ADAMTSL1: variants seen among roughly 807,000 people sequenced by gnomAD.
ADAMTSL1 encodes ADAMTS like 1, also known as ADAMTS-like protein 1.
A neutral mutation model predicts 201.8 loss-of-function variants in ADAMTSL1; 126 were observed. That is an observed-to-expected ratio of 0.62 (90% CI 0.54 to 0.72). ADAMTSL1 has a LOEUF of 0.72. ADAMTSL1 is among the 30% of genes least tolerant of loss of function. The probability of loss-of-function intolerance (pLI) is 0.00; values close to 1 mark genes in which losing one functional copy is unlikely to be tolerated. For synonymous variants in ADAMTSL1, 1,121 were observed against 903.4 expected, an observed-to-expected ratio of 1.24 and a Z score of -4.32; for missense variants, 2,679 against 2,277.8, an observed-to-expected ratio of 1.18 and a Z score of -3.59.
chr9:18,909,832 G>A lies in ADAMTSL1; in HGVS notation c.*1284G>A, dbSNP rs1376069134. ...ATTTATCTAGCAAGGCGGGGTGGTG[G>A]AGGCAGCACCCTGGCAAAGCAGCTC... On this transcript the variant is annotated 3_prime_UTR_variant, in exon 29 of 29. Coordinates refer to ENST00000380548, the MANE Select transcript of ADAMTSL1 (RefSeq NM_001040272.6). 2 of 152,206 alleles carry A rather than the reference G, an allele frequency of 1.3e-5. No individual in the cohort carries two copies. The highest frequency in any genetic ancestry group is 4.8e-5 in the African/African-American group (2 of 41,428). 9.4% of individuals were successfully genotyped at this position (152,206 alleles called of 1,614,324 possible).
rs533059609 is a variant in ADAMTSL1 at position 18,613,230 on chromosome 9, G to A, written c.475-9013G>A. On this transcript the variant is annotated intron_variant, in intron 4 of 28. Coordinates refer to ENST00000380548, the MANE Select transcript of ADAMTSL1 (RefSeq NM_001040272.6). ...AAAAATAACAGATGCTGGTAAGGTT[G>A]TGGAAAAAAAGGAACACTTATACAC... 8.5e-5 allele frequency among the ~76,000 whole-genome samples: 13 copies of A among 152,270 alleles called. No individual in the cohort carries two copies. In the East Asian group the frequency reaches 1.2e-3, roughly 14 times the overall value.
intron 9 of ADAMTSL1, among the ~76,000 whole-genome samples, chr9:18,670,613 C>G (rs959364562): frequency 5.4e-4 from 82 of 152,222 alleles, no homozygotes; most frequent in African/African-American, 1.8e-3. Flanking sequence ...CTTTTAAAAA[C>G]TTGTTTTTGC....
At chr9:18,367,133 C>T (rs1421706342) in intron 2 of ADAMTSL1, among the ~76,000 whole-genome samples, 2 of 152,090 alleles carry the variant, frequency 1.3e-5, no homozygotes, top group African/African-American at 4.8e-5. Flanking sequence ...ATTTTTCCAC[C>T]TACCAAAGTA....
intron 1 of ADAMTSL1, among the ~76,000 whole-genome samples, chr9:17,950,195 C>G (rs1345020993): frequency 2.6e-5 from 4 of 152,082 alleles, no homozygotes; most frequent in African/African-American, 9.7e-5. Flanking sequence ...GCGTGAGCCA[C>G]TGCATCTGGC....
At chr9:18,136,947 G>C (rs1221462626) in intron 1 of ADAMTSL1, among the ~76,000 whole-genome samples, 1 of 152,192 alleles carries the variant, frequency 6.6e-6, no homozygotes, top group Non-Finnish European at 1.5e-5. Flanking sequence ...CCAAGCCATA[G>C]TTAAGGTGAA....
intron 15 of ADAMTSL1, among the ~76,000 whole-genome samples, chr9:18,735,192 T>A (rs570075687): frequency 6.6e-6 from 1 of 152,168 alleles, no homozygotes; most frequent in African/African-American, 2.4e-5. Context: ...ATGTTGCATT[T>A]CAGGCAATGG....
intron 2 of ADAMTSL1, among the ~76,000 whole-genome samples, chr9:18,356,527 TAAAAAAAA>T (rs1246388028): frequency 1.3e-5 from 1 of 79,466 alleles, no homozygotes; most frequent in Admixed American, 1.7e-4. Flanking sequence ...ACCCTGTCTT[TAAAAAAAA>T]AAAAAAAAAA....
intron 2 of ADAMTSL1, among the ~76,000 whole-genome samples, chr9:18,297,868 G>A (rs59796968): frequency 0.032 from 4,934 of 152,260 alleles, 280 homozygotes; most frequent in African/African-American, 0.11. Context: ...CCTTTGAACC[G>A]CAGCAAAAGT....
intron 2 of ADAMTSL1, among the ~76,000 whole-genome samples, chr9:18,199,247 C>T (rs1046780876): frequency 6.6e-6 from 1 of 151,924 alleles, no homozygotes; most frequent in African/African-American, 2.4e-5. Context: ...TACCCTAAAA[C>T]TTAAAGTGTA....
intron 20 of ADAMTSL1, among the ~76,000 whole-genome samples, chr9:18,810,336 G>A (rs921499101): frequency 6.6e-6 from 1 of 152,174 alleles, no homozygotes; most frequent in East Asian, 1.9e-4. Context: ...CAGTTCTGAT[G>A]AGCTTAATTA....
At chr9:18,685,853 A>G (rs1830797277) in intron 13 of ADAMTSL1, among the ~76,000 whole-genome samples, 1 of 152,202 alleles carries the variant, frequency 6.6e-6, no homozygotes, top group Non-Finnish European at 1.5e-5. Flanking sequence ...ACTTGTAAAG[A>G]AACTATATTC....
chr9:18,269,797 C>T (rs1266467064), intron 2 of ADAMTSL1, among the ~76,000 whole-genome samples: 1 of 151,346 alleles, frequency 6.6e-6, no homozygotes, highest in Non-Finnish European at 1.5e-5. Context: ...TTAGTGTTAC[C>T]ACAAACCAAA....
intron 2 of ADAMTSL1, among the ~76,000 whole-genome samples, chr9:18,367,748 A>ATTACACATTTATCGGCACAGAG (rs1204405123): frequency 6.6e-6 from 1 of 152,084 alleles, no homozygotes; most frequent in Non-Finnish European, 1.5e-5. Context: ...TAGGCACAGA[A>ATTACACATTTATCGGCACAGAG]TTACACATTT....
intron 2 of ADAMTSL1, among the ~76,000 whole-genome samples, chr9:18,320,198 C>T (rs55802908): frequency 0.17 from 26,375 of 152,108 alleles, 2,884 homozygotes; most frequent in African/African-American, 0.31. Flanking sequence ...TTGATTTTCA[C>T]CATGTGAGTT....
chr9:18,022,076 G>A (rs752832215), intron 1 of ADAMTSL1, among the ~76,000 whole-genome samples: 3 of 151,906 alleles, frequency 2.0e-5, no homozygotes, highest in Non-Finnish European at 4.4e-5. Context: ...TTTTTTTCTT[G>A]TTTTGCTCTC....
intron 1 of ADAMTSL1, among the ~76,000 whole-genome samples, chr9:18,133,104 C>T (rs1023664665): frequency 6.6e-6 from 1 of 152,072 alleles, no homozygotes; most frequent in Non-Finnish European, 1.5e-5. Context: ...AAGGTTCAGA[C>T]TCTCCTCCGG....
rs1005661614 is a variant in ADAMTSL1 at position 18,510,313 on chromosome 9, A to G, written c.191+5357A>G. On this transcript the variant is annotated intron_variant, in intron 2 of 28. Transcript: ENST00000380548. Reference sequence around the variant, plus strand: ...GGGAGCTTGTGAGGAGACTTGGTTTACCCTCTGAGTACAGAACATCCTCTC... The same window carrying G: ...GGGAGCTTGTGAGGAGACTTGGTTTGCCCTCTGAGTACAGAACATCCTCTC... Among the ~76,000 whole-genome samples, 112 of 152,158 alleles carry G rather than the reference A, an allele frequency of 7.4e-4. 1 individual carries two copies. The highest frequency in any genetic ancestry group is 2.1e-3 in the African/African-American group (89 of 41,440).
intron 1 of ADAMTSL1, among the ~76,000 whole-genome samples, chr9:17,927,045 C>T (rs998618997): frequency 6.6e-6 from 1 of 152,148 alleles, no homozygotes; most frequent in East Asian, 1.9e-4. Flanking sequence ...TCTATAGCCA[C>T]GAACAACTCC....
chr9:18,642,871 C>T (rs1425119791), intron 7 of ADAMTSL1, among the ~76,000 whole-genome samples: 1 of 151,960 alleles, frequency 6.6e-6, no homozygotes, highest in East Asian at 1.9e-4. Context: ...GCTGTTGTGA[C>T]TAGTGCTGCA....
Sources: gnomAD v4.1 joint callset for allele counts (sites outside exome capture counted in the v4.1 genomes callset) on GRCh38, gnomAD v4.1.1 for gene constraint, MANE v1.5 for transcripts, NCBI Gene and HGNC (gene_info 2026-07-23, HGNC 2026-07-21) for gene names.